The following ZC3H3 variants were observed in gnomAD, a reference collection of about 807,000 sequenced individuals.
The protein encoded by ZC3H3 is zinc finger CCCH-type containing 3.
ZC3H3 carries 36 observed loss-of-function variants against 77.3 expected under a neutral mutation model. The ratio of observed to expected loss-of-function variants is 0.47; its 90% CI spans 0.36 to 0.61. The LOEUF (loss-of-function observed/expected upper bound fraction) is 0.61, where lower values mean the gene tolerates loss of function less well. ZC3H3 is among the 20% of genes least tolerant of loss of function. ZC3H3 has a pLI of 0.00. For synonymous variants in ZC3H3, 626 were observed against 555.2 expected, an observed-to-expected ratio of 1.13 and a Z score of -1.79; for missense variants, 1,331 against 1,312.2, an observed-to-expected ratio of 1.01 and a Z score of -0.22.
intron 3 of ZC3H3, chr8:143,523,479 C>T (rs1822316372): frequency 1.0e-6 from 1 of 985,434 alleles, no homozygotes; most frequent in East Asian, 1.1e-4. Flanking sequence ...ACACTCCCCG[C>T]TGCAAGCTCC....
chr8:143,523,167 G>C (rs1822304713), intron 3 of ZC3H3, among the ~76,000 whole-genome samples: 1 of 152,176 alleles, frequency 6.6e-6, no homozygotes, highest in Non-Finnish European at 1.5e-5. Flanking sequence ...AGCAGTGCTG[G>C]CCACTACTCC....
intron 9 of ZC3H3, among the ~76,000 whole-genome samples, chr8:143,446,739 T>C (rs57799549): frequency 0.19 from 28,933 of 152,298 alleles, 3,212 homozygotes; most frequent in East Asian, 0.32. Flanking sequence ...ACAGGCCAGG[T>C]GGCCTGGGTG....
In ZC3H3 at chr8:143,494,092, G is replaced by A. The variant is rs1193296243; in HGVS notation, c.1715+13654C>T. The stretch of plus-strand genomic sequence containing the variant: ...GCACGTGGGGAAGCCTGGGGAGTGG[G>A]AGGGGAAGGGGAGCGCTGAGGGCCA... On this transcript the variant is annotated intron_variant, in intron 4 of 11. Transcript: ENST00000262577. The surrounding 1 kb of genome is among the most constrained non-coding windows in gnomAD (Gnocchi z 5.3). Among the ~76,000 whole-genome samples, 1 of 152,176 alleles carries A rather than the reference G, an allele frequency of 6.6e-6. No individual in the cohort carries two copies. The highest frequency in any genetic ancestry group is 1.5e-5 in the Non-Finnish European group (1 of 68,028).
chr8:143,471,862 C>G (rs948140953), intron 5 of ZC3H3, among the ~76,000 whole-genome samples: 2 of 152,256 alleles, frequency 1.3e-5, no homozygotes, highest in Non-Finnish European at 2.9e-5. Context: ...CTTAAGTGGG[C>G]TGGTCAGCGG....
At chr8:143,531,327 G>A (rs1047735382) in intron 3 of ZC3H3, among the ~76,000 whole-genome samples, 4 of 152,156 alleles carry the variant, frequency 2.6e-5, no homozygotes, top group African/African-American at 4.8e-5. Context: ...AGGAAGAAAC[G>A]GAAGGCAAGG....
At chr8:143,528,431 C>T (rs1161413346) in intron 3 of ZC3H3, among the ~76,000 whole-genome samples, 1 of 152,236 alleles carries the variant, frequency 6.6e-6, no homozygotes, top group Non-Finnish European at 1.5e-5. Context: ...CAGGGCTCCA[C>T]CCATGCCTCA....
chr8:143,504,152 G>C (rs1821616738), intron 4 of ZC3H3, among the ~76,000 whole-genome samples: 2 of 152,292 alleles, frequency 1.3e-5, no homozygotes, highest in South Asian at 4.1e-4. Context: ...GCCCTCCCCA[G>C]TGCCCAGGGC....
intron 3 of ZC3H3, among the ~76,000 whole-genome samples, chr8:143,518,574 T>C (rs1822137805): frequency 6.6e-6 from 1 of 152,212 alleles, no homozygotes; most frequent in South Asian, 2.1e-4. Flanking sequence ...CTCCTGGCCT[T>C]TCCTGTGACT....
At chr8:143,461,933 A>G (rs1488679401) in intron 9 of ZC3H3, among the ~76,000 whole-genome samples, 2 of 151,554 alleles carry the variant, frequency 1.3e-5, no homozygotes, top group African/African-American at 4.9e-5. Context: ...CACCTAGAGC[A>G]GAGGAATTGT....
chr8:143,455,237 C>A (rs898927537), intron 9 of ZC3H3, among the ~76,000 whole-genome samples: 2 of 152,114 alleles, frequency 1.3e-5, no homozygotes, highest in Admixed American at 1.3e-4. Context: ...TCACTTGAAC[C>A]CAGGAGATGG....
intron 9 of ZC3H3, among the ~76,000 whole-genome samples, chr8:143,450,884 C>G (rs1819971520): frequency 6.6e-6 from 1 of 152,186 alleles, no homozygotes; most frequent in Non-Finnish European, 1.5e-5. Flanking sequence ...AGCTGTGGAT[C>G]TGCAGGACGC....
At chr8:143,449,037 G>A (rs1350190389) in intron 9 of ZC3H3, among the ~76,000 whole-genome samples, 3 of 152,220 alleles carry the variant, frequency 2.0e-5, no homozygotes, top group Non-Finnish European at 4.4e-5. Flanking sequence ...AGCTGGACTG[G>A]CTGGACACAG....
At chr8:143,438,978 T>A (rs1225989840) in intron 11 of ZC3H3, among the ~76,000 whole-genome samples, 1 of 152,020 alleles carries the variant, frequency 6.6e-6, no homozygotes, top group Admixed American at 6.6e-5. Context: ...CTGCCCGAGC[T>A]CCTGGCCATG....
intron 8 of ZC3H3, among the ~76,000 whole-genome samples, chr8:143,467,803 C>T (rs1820452354): frequency 2.0e-4 from 1 of 4,922 alleles, no homozygotes; most frequent in South Asian, 3.8e-3. Context: ...GCCTCTCCAC[C>T]CAGCCCCCTC....
rs772813972 is a variant in ZC3H3, at chr8:143,502,868, G to A, written c.1715+4878C>T. On this transcript the variant is annotated intron_variant, in intron 4 of 11. Coordinates refer to ENST00000262577, the MANE Select transcript of ZC3H3 (RefSeq NM_015117.3). ...TCTGCCTCGCACCCCTGCATTCCAG[G>A]CCCTCTGGGACAGGCTTCACTTCAA... 2.0e-5 allele frequency among the ~76,000 whole-genome samples: 3 copies of A among 152,304 alleles called. No individual in the cohort carries two copies. The South Asian group carries it at 6.2e-4, about 32-fold the overall frequency.
chr8:143,452,377 T>A (rs1820010144), intron 9 of ZC3H3, among the ~76,000 whole-genome samples: 1 of 152,190 alleles, frequency 6.6e-6, no homozygotes, highest in Non-Finnish European at 1.5e-5. Flanking sequence ...TGCAGGGAGC[T>A]GGGTTTCCAC....
intron 3 of ZC3H3, among the ~76,000 whole-genome samples, chr8:143,535,724 C>T (rs1293587971): frequency 2.0e-5 from 3 of 152,254 alleles, no homozygotes; most frequent in Non-Finnish European, 2.9e-5. Flanking sequence ...CTCTCAGGGG[C>T]TCAGACCAGT....
chr8:143,444,279 T>G (rs1441530561), intron 9 of ZC3H3, among the ~76,000 whole-genome samples: 1 of 152,198 alleles, frequency 6.6e-6, no homozygotes, highest in East Asian at 1.9e-4. Flanking sequence ...TGGCCTTTAC[T>G]TGTGGTTCTA....
intron 9 of ZC3H3, among the ~76,000 whole-genome samples, chr8:143,458,286 G>C (rs13262652): frequency 0.036 from 5,045 of 138,636 alleles, 117 homozygotes; most frequent in Non-Finnish European, 0.051. Context: ...CTGAAGAGTA[G>C]AAAATCTAAC....
Sources: allele counts gnomAD v4.1 joint callset (sites outside exome capture counted in the v4.1 genomes callset), GRCh38; gene constraint gnomAD v4.1.1; non-coding constraint Gnocchi (gnomAD v3.1); transcripts MANE v1.5; gene names NCBI Gene and HGNC (gene_info 2026-07-23, HGNC 2026-07-21).